The following CACNA1C variants were observed in gnomAD, a reference collection of about 807,000 sequenced individuals.
CACNA1C encodes the protein calcium voltage-gated channel subunit alpha1 C.
In CACNA1C, 30 loss-of-function variants were observed where a neutral mutation model predicts 229.0. The ratio of observed to expected loss-of-function variants is 0.13; its 90% CI spans 0.10 to 0.18. CACNA1C has a LOEUF of 0.18. CACNA1C is among the 10% of genes least tolerant of loss of function. The probability of loss-of-function intolerance (pLI) is 1.00; values close to 1 mark genes in which losing one functional copy is unlikely to be tolerated. For synonymous variants in CACNA1C, 1,114 were observed against 1,132.5 expected (o/e 0.98, Z 0.33); for missense variants, 1,658 against 2,845.0 (o/e 0.58, Z 9.49).
At chr12:2,183,949 C>T (rs563255882) in intron 3 of CACNA1C, among the ~76,000 whole-genome samples, 74 of 152,336 alleles carry the variant, frequency 4.9e-4, no homozygotes, top group African/African-American at 1.5e-3. Flanking sequence ...TATCCATCCA[C>T]GTGGAAGAGG....
intron 1 of CACNA1C, among the ~76,000 whole-genome samples, chr12:2,036,691 C>T (rs546885675): frequency 1.3e-5 from 2 of 152,240 alleles, no homozygotes; most frequent in South Asian, 4.2e-4. Flanking sequence ...GCCTTGAACC[C>T]CTGACCTTGT....
intron 3 of CACNA1C, among the ~76,000 whole-genome samples, chr12:2,233,195 AC>A (rs2154364939): frequency 6.6e-6 from 1 of 152,280 alleles, no homozygotes; most frequent in African/African-American, 2.4e-5. Context: ...TCATATCAGG[AC>A]CAGTTCGTGA....
rs377588150 is a variant in CACNA1C, at chr12:2,070,973, G to T, written c.49+17362G>T. The stretch of plus-strand genomic sequence containing the variant: ...TCCCTCCCTCCCTCCCTGCCTGCCT[G>T]CCTTCCTTCCTTCTCTCTCTCCTTC... On this transcript the variant is annotated intron_variant, in intron 1 of 46. Coordinates refer to ENST00000399655, the MANE Select transcript of CACNA1C (RefSeq NM_000719.7). Among the ~76,000 whole-genome samples, 10 of 81,806 alleles carry T rather than the reference G, an allele frequency of 1.2e-4. No individual in the cohort carries two copies. In the East Asian group the frequency reaches 2.9e-3, roughly 24 times the overall value. 53.7% of individuals were successfully genotyped at this position (81,806 alleles called of 152,430 possible). A position where few individuals can be genotyped will look rare whatever the true frequency, so the allele number is the denominator to read the frequency against.
At chr12:2,673,527 A>G (rs181004215) in intron 38 of CACNA1C, among the ~76,000 whole-genome samples, 57 of 151,790 alleles carry the variant, frequency 3.8e-4, no homozygotes, top group Admixed American at 7.9e-4. Flanking sequence ...TCAGAAGTCC[A>G]GCAGTGGTGA....
At chr12:2,657,954 G>T (rs527771912) in intron 34 of CACNA1C, among the ~76,000 whole-genome samples, 5 of 152,048 alleles carry the variant, frequency 3.3e-5, no homozygotes, top group African/African-American at 1.2e-4. Context: ...TAACAATATA[G>T]TTTGGAAATG....
intron 19 of CACNA1C, among the ~76,000 whole-genome samples, chr12:2,594,697 T>C (rs1195166729): frequency 6.6e-6 from 1 of 152,248 alleles, no homozygotes; most frequent in Admixed American, 6.5e-5. Context: ...ACTTATCCAG[T>C]GTTTCTTCAG....
chr12:2,279,189 C>T (rs2090125470), intron 3 of CACNA1C, among the ~76,000 whole-genome samples: 1 of 151,940 alleles, frequency 6.6e-6, no homozygotes, highest in Non-Finnish European at 1.5e-5. Flanking sequence ...CAGTCTGTGT[C>T]ATCTTTTCTC....
intron 3 of CACNA1C, among the ~76,000 whole-genome samples, chr12:2,393,948 T>C (rs2098529720): frequency 6.6e-6 from 1 of 151,932 alleles, no homozygotes; most frequent in Non-Finnish European, 1.5e-5. Flanking sequence ...TCTACATGTC[T>C]ACAAAAATTA....
At chr12:1,972,062 A>G (rs1243277048) in intron 1 of CACNA1C, among the ~76,000 whole-genome samples, 2 of 152,234 alleles carry the variant, frequency 1.3e-5, no homozygotes, top group Non-Finnish European at 2.9e-5. Flanking sequence ...AACTTCACTA[A>G]TTCCTCTCAA....
At chr12:2,329,255 A>G (rs2096458784) in intron 3 of CACNA1C, among the ~76,000 whole-genome samples, 1 of 152,152 alleles carries the variant, frequency 6.6e-6, no homozygotes, top group Non-Finnish European at 1.5e-5. Context: ...TAACTTTGGA[A>G]TGGTTTTGAT....
At chr12:2,485,543 TAG>T (rs2099694396) in intron 5 of CACNA1C, among the ~76,000 whole-genome samples, 1 of 152,186 alleles carries the variant, frequency 6.6e-6, no homozygotes, top group Non-Finnish European at 1.5e-5. Flanking sequence ...GGGTGCTTTT[TAG>T]AGTTTCTTTT....
chr12:2,577,978 C>T (rs2059096629), intron 13 of CACNA1C, among the ~76,000 whole-genome samples: 1 of 151,446 alleles, frequency 6.6e-6, no homozygotes, highest in South Asian at 2.1e-4. Flanking sequence ...ACGCCATTCT[C>T]CTGCCTCAGC....
At chr12:1,992,213 T>C (rs1426850902) in intron 1 of CACNA1C, 1 of 156,116 alleles carries the variant, frequency 6.4e-6, no homozygotes, top group Non-Finnish European at 1.4e-5. Flanking sequence ...TAGTAAGTCA[T>C]ATTATAGTTT....
chr12:2,601,958 C>T lies in CACNA1C; in HGVS notation c.2958C>T (p.Ile986=), dbSNP rs886049203. Residue 986 remains isoleucine, a splice_region_variant and synonymous_variant, in exon 22 of 47, where the codon ATC becomes ATT. Transcript: ENST00000399655. The surrounding 1 kb of genome is among the most constrained non-coding windows in gnomAD (Gnocchi z 5.9). ...GCGTGTCCCTCATCTCCTTTGGCAT[C>T]CAGTGAGTGGGAGCCCCTCAGCCCA... ...VVSVSLISFG[I]QSSAINVVKI... 6.2e-7 allele frequency: 1 copy of T among 1,602,140 alleles called. No homozygotes were observed. Among genetic ancestry groups the T allele is most frequent in the Non-Finnish European group, 8.6e-7 (1 of 1,169,108 alleles).
chr12:2,624,480 C>T (rs740730), intron 29 of CACNA1C, among the ~76,000 whole-genome samples: 4,841 of 152,268 alleles, frequency 0.032, 242 homozygotes, highest in African/African-American at 0.11. Flanking sequence ...GAAATATGAC[C>T]GTATCTTGGA....
At chr12:2,226,984 A>G (rs2063198975) in intron 3 of CACNA1C, among the ~76,000 whole-genome samples, 1 of 152,216 alleles carries the variant, frequency 6.6e-6, no homozygotes, top group Non-Finnish European at 1.5e-5. Context: ...TCCTTAGCCC[A>G]CTTGCAGATA....
Position 2,682,878 on chromosome 12 carries a change from A to C in CACNA1C, c.5573+200A>C, listed in dbSNP as rs1160605965. Among the ~76,000 whole-genome samples, 160 of 52,408 alleles carry C rather than the reference A, an allele frequency of 3.1e-3. 2 individuals are homozygous for C. Among genetic ancestry groups the C allele is most frequent in the Middle Eastern group, 9.3e-3 (1 of 108 alleles). The allele number at this position is 52,408 out of a possible 152,430, so 34.4% of individuals were successfully genotyped here. ...ACACAACACACACAAACACACACAC[A>C]CCACACACACACACAGACACACACA... On this transcript the variant is annotated intron_variant, in intron 43 of 46. Transcript: ENST00000399655.
At chr12:2,322,131 ATTGT>A (rs758542050) in intron 3 of CACNA1C, among the ~76,000 whole-genome samples, 6 of 152,186 alleles carry the variant, frequency 3.9e-5, no homozygotes, top group South Asian at 4.1e-4. Flanking sequence ...GTGTGTGCAC[ATTGT>A]TTATCTTTAC....
At chr12:2,463,865 C>A (rs989794555) in intron 5 of CACNA1C, among the ~76,000 whole-genome samples, 1 of 152,190 alleles carries the variant, frequency 6.6e-6, no homozygotes, top group East Asian at 1.9e-4. Flanking sequence ...CATCCACTCT[C>A]CCACTGCAGC....
Sources: gnomAD v4.1 joint callset for allele counts (sites outside exome capture counted in the v4.1 genomes callset) on GRCh38, gnomAD v4.1.1 for gene constraint, Gnocchi (gnomAD v3.1) non-coding constraint, MANE v1.5 for transcripts, NCBI Gene and HGNC (gene_info 2026-07-23, HGNC 2026-07-21) for gene names.